KIAA0825: variants seen among roughly 807,000 people sequenced by gnomAD.
The protein encoded by KIAA0825 is uncharacterized protein KIAA0825.
In KIAA0825, 119 loss-of-function variants were observed where a neutral mutation model predicts 147.6. That is an observed-to-expected ratio of 0.81 (90% CI 0.69 to 0.94). The LOEUF (loss-of-function observed/expected upper bound fraction) is 0.94, where lower values mean the gene tolerates loss of function less well. KIAA0825 is among the 40% of genes least tolerant of loss of function. KIAA0825 has a pLI of 0.00. For missense variants in KIAA0825, 1,381 were observed against 1,472.7 expected, an observed-to-expected ratio of 0.94 and a Z score of 1.02; for synonymous variants, 470 against 518.1, an observed-to-expected ratio of 0.91 and a Z score of 1.26.
chr5:94,350,395 A>G (rs776407719), intron 20 of KIAA0825, among the ~76,000 whole-genome samples: 9 of 152,196 alleles, frequency 5.9e-5, no homozygotes, highest in Non-Finnish European at 1.3e-4. Flanking sequence ...ATTCCACAAG[A>G]TAGGGGAAGA....
chr5:94,347,929 T>C (rs1158161437), intron 20 of KIAA0825, among the ~76,000 whole-genome samples: 2 of 151,920 alleles, frequency 1.3e-5, no homozygotes, highest in Non-Finnish European at 2.9e-5. Flanking sequence ...TTCAAGAAAA[T>C]TGATAGCTTA....
Position 94,440,194 on chromosome 5 carries a change from A to G in KIAA0825, c.2358-73T>C, listed in dbSNP as rs1010067963. The stretch of plus-strand genomic sequence containing the variant: ...TGAAATTAATAGCCTTAAAGTACAG[A>G]TGTAATGCTAACTCCTTTAAATGTC... On this transcript the variant is annotated intron_variant, in intron 13 of 20. Coordinates refer to ENST00000682413, the MANE Select transcript of KIAA0825 (RefSeq NM_001145678.3). 4.4e-6 allele frequency: 6 copies of G among 1,374,048 alleles called. No homozygotes were observed. In the African/African-American group the frequency reaches 8.7e-5, roughly 20 times the overall value. The allele number at this position is 1,374,048 out of a possible 1,614,324, so 85.1% of individuals were successfully genotyped here.
intron 20 of KIAA0825, among the ~76,000 whole-genome samples, chr5:94,218,476 G>T (rs1035182614): frequency 6.6e-6 from 1 of 152,184 alleles, no homozygotes; most frequent in Non-Finnish European, 1.5e-5. Context: ...TTGCCCCACT[G>T]TAAGTGATGT....
In KIAA0825 at chr5:94,170,785, C is replaced by A. The variant is rs570317243; in HGVS notation, c.3711-16661G>T. Among the ~76,000 whole-genome samples the A allele has an allele frequency of 2.0e-5, 3 of 152,292 alleles. No individual in the cohort carries two copies. The South Asian group carries it at 6.2e-4, about 32-fold the overall frequency. ...AACTTCCAATGTCACAAAACAGGCC[C>A]TGGATCACAAAGTGATCTTTCTGCC... On this transcript the variant is annotated intron_variant, in intron 20 of 20. Transcript: ENST00000682413.
intron 1 of KIAA0825, among the ~76,000 whole-genome samples, chr5:94,613,684 T>C (rs951502193): frequency 6.6e-6 from 1 of 152,238 alleles, no homozygotes; most frequent in Non-Finnish European, 1.5e-5. Flanking sequence ...GCTGTTGCCA[T>C]AGAGAAAAAG....
At chr5:94,437,988 A>G (rs1756589904) in intron 14 of KIAA0825, among the ~76,000 whole-genome samples, 1 of 152,214 alleles carries the variant, frequency 6.6e-6, no homozygotes, top group Admixed American at 6.5e-5. Flanking sequence ...ACAAAAATCT[A>G]CAGTACAGCC....
chr5:94,544,780 G>A (rs1396446399), intron 2 of KIAA0825, among the ~76,000 whole-genome samples: 1 of 152,190 alleles, frequency 6.6e-6, no homozygotes, highest in Non-Finnish European at 1.5e-5. Flanking sequence ...GATGTACAGA[G>A]TGTCAGGAAG....
intron 20 of KIAA0825, among the ~76,000 whole-genome samples, chr5:94,350,121 C>T (rs1783482288): frequency 6.6e-6 from 1 of 152,010 alleles, no homozygotes; most frequent in African/African-American, 2.4e-5. Context: ...CACTGAAATA[C>T]AAAAGATCAT....
At chr5:94,575,285 G>A (rs1296094984) in intron 2 of KIAA0825, among the ~76,000 whole-genome samples, 1 of 151,710 alleles carries the variant, frequency 6.6e-6, no homozygotes, top group Non-Finnish European at 1.5e-5. Flanking sequence ...AGACAACAGA[G>A]AGAGGAAGAT....
Position 94,520,245 on chromosome 5 carries a change from A to C in KIAA0825, c.970+3T>G. ...CCAAACAAAAATTTTAAATGTCACT[A>C]ACCCAAAGCATGCACTGCTCCTCTA... On this transcript the variant is annotated splice_donor_region_variant and intron_variant, in intron 5 of 20. Transcript: ENST00000682413. The C allele has an allele frequency of 6.3e-7, 1 of 1,577,410 alleles. No homozygotes were observed. Among genetic ancestry groups the C allele is most frequent in the Non-Finnish European group, 8.6e-7 (1 of 1,165,046 alleles).
chr5:94,233,521 ACATTTT>A (rs1774856796), intron 20 of KIAA0825, among the ~76,000 whole-genome samples: 1 of 152,228 alleles, frequency 6.6e-6, no homozygotes, highest in Non-Finnish European at 1.5e-5. Context: ...CATGCTGGTA[ACATTTT>A]TGAAATACCT....
chr5:94,525,576 T>C (rs1035668570), intron 3 of KIAA0825, among the ~76,000 whole-genome samples: 12 of 151,946 alleles, frequency 7.9e-5, no homozygotes, highest in African/African-American at 2.9e-4. Context: ...TCTTAACTTA[T>C]GTAAGCACTT....
chr5:94,457,575 C>T (rs1228850374), intron 12 of KIAA0825, among the ~76,000 whole-genome samples: 1 of 152,214 alleles, frequency 6.6e-6, no homozygotes, highest in Non-Finnish European at 1.5e-5. Flanking sequence ...GTGCCGACCA[C>T]GCCAGCACTC....
intron 1 of KIAA0825, among the ~76,000 whole-genome samples, chr5:94,613,400 T>G (rs73134681): frequency 0.082 from 12,413 of 152,198 alleles, 560 homozygotes; most frequent in South Asian, 0.12. Context: ...GGTTTTACCA[T>G]GTAGGTCAGG....
chr5:94,501,516 C>T (rs1172921131), intron 5 of KIAA0825, among the ~76,000 whole-genome samples: 3 of 152,208 alleles, frequency 2.0e-5, no homozygotes, highest in African/African-American at 7.2e-5. Context: ...CTCCTAATAG[C>T]TACAGGACAT....
intron 20 of KIAA0825, among the ~76,000 whole-genome samples, chr5:94,179,548 G>A (rs976688096): frequency 2.6e-5 from 4 of 152,070 alleles, no homozygotes; most frequent in African/African-American, 9.7e-5. Flanking sequence ...GTCACTGAAA[G>A]AGGCTAGAAG....
chr5:94,448,801 G>A (rs1758040284), intron 13 of KIAA0825, among the ~76,000 whole-genome samples: 1 of 152,126 alleles, frequency 6.6e-6, no homozygotes, highest in South Asian at 2.1e-4. Context: ...GAATGGAAAG[G>A]TGAGATTTTT....
At chr5:94,194,326 C>G (rs1169873341) in intron 20 of KIAA0825, among the ~76,000 whole-genome samples, 1 of 152,094 alleles carries the variant, frequency 6.6e-6, no homozygotes, top group African/African-American at 2.4e-5. Context: ...GCCTTCCATT[C>G]TATGACAGTG....
chr5:94,557,734 C>T (rs1776810191), intron 2 of KIAA0825, among the ~76,000 whole-genome samples: 1 of 152,198 alleles, frequency 6.6e-6, no homozygotes, highest in African/African-American at 2.4e-5. Flanking sequence ...GCAGGAGGGA[C>T]AATGATCCAG....
Sources: gnomAD v4.1 joint callset for allele counts (sites outside exome capture counted in the v4.1 genomes callset) on GRCh38, gnomAD v4.1.1 for gene constraint, MANE v1.5 for transcripts, NCBI Gene and HGNC (gene_info 2026-07-23, HGNC 2026-07-21) for gene names.